The following SSH2 variants were observed in gnomAD, a reference collection of about 807,000 sequenced individuals.
SSH2 encodes slingshot protein phosphatase 2.
A neutral mutation model predicts 135.2 loss-of-function variants in SSH2; 37 were observed. The observed-to-expected ratio is 0.27, with a 90% confidence interval of 0.21 to 0.36. The LOEUF is 0.36. SSH2 is among the 10% of genes least tolerant of loss of function. The probability of loss-of-function intolerance (pLI) is 1.00; values close to 1 mark genes in which losing one functional copy is unlikely to be tolerated. For synonymous variants in SSH2, 628 were observed against 646.2 expected (o/e 0.97, Z 0.43); for missense variants, 1,408 against 1,765.3 (o/e 0.80, Z 3.63).
In SSH2 at chr17:29,690,858, G is replaced by T. The variant is rs570287972; in HGVS notation, c.357+4601C>A. 3.1e-4 allele frequency among the ~76,000 whole-genome samples: 47 copies of T among 151,684 alleles called. 1 individual carries two copies. Among genetic ancestry groups the T allele is most frequent in the Admixed American group, 1.4e-3 (22 of 15,216 alleles). ...TATGAAGAAAGTAGGTTACAAAAAG[G>T]TATTTCTATTTTTATCACATTTTCG... is the stretch of plus-strand genomic sequence containing the variant. On this transcript the variant is annotated intron_variant, in intron 5 of 15. Transcript: ENST00000540801.
intron 3 of SSH2, among the ~76,000 whole-genome samples, chr17:29,725,347 C>CAAAAAAAAAAA (rs11449000): frequency 9.5e-5 from 5 of 52,782 alleles, no homozygotes; most frequent in Non-Finnish European, 1.3e-4. Flanking sequence ...AATCAGTCTC[C>CAAAAAAAAAAA]AAAAAAAAAA....
chr17:29,714,008 G>C (rs1309742603), intron 3 of SSH2, among the ~76,000 whole-genome samples: 1 of 152,182 alleles, frequency 6.6e-6, no homozygotes, highest in African/African-American at 2.4e-5. Context: ...AAAGAGAGGA[G>C]AAACTGCCTC....
intron 8 of SSH2, chr17:29,674,218 C>T (rs2037613154): frequency 2.2e-6 from 1 of 453,434 alleles, no homozygotes; most frequent in South Asian, 1.6e-5. Flanking sequence ...GAAAATGTGT[C>T]AGTCCATTTT....
intron 2 of SSH2, among the ~76,000 whole-genome samples, chr17:29,817,336 GA>G (rs748898513): frequency 6.6e-6 from 1 of 151,986 alleles, no homozygotes; most frequent in Non-Finnish European, 1.5e-5. Context: ...TCTCTTCTTG[GA>G]CTTCTTTGTT....
At chr17:29,888,908 G>A (rs1168504806) in intron 1 of SSH2, among the ~76,000 whole-genome samples, 6 of 114,544 alleles carry the variant, frequency 5.2e-5, no homozygotes, top group African/African-American at 2.1e-4. Flanking sequence ...CTCCAGCCTA[G>A]GTGAAAGAGT....
intron 14 of SSH2, among the ~76,000 whole-genome samples, chr17:29,644,368 G>A (rs1458397784): frequency 6.6e-6 from 1 of 152,234 alleles, no homozygotes; most frequent in African/African-American, 2.4e-5. Context: ...GCCTCTGAAA[G>A]TGCCTTTCTC....
At chr17:29,698,805 T>C (rs902337516) in intron 4 of SSH2, among the ~76,000 whole-genome samples, 12 of 152,162 alleles carry the variant, frequency 7.9e-5, no homozygotes, top group Admixed American at 5.9e-4. Context: ...GCTGAGCTTC[T>C]TTAAAATTAA....
At chr17:29,681,612 T>C (rs1219839718) in intron 6 of SSH2, among the ~76,000 whole-genome samples, 2 of 151,792 alleles carry the variant, frequency 1.3e-5, no homozygotes, top group African/African-American at 4.8e-5. Context: ...ATTTTATAAC[T>C]TAAAATATGT....
chr17:29,744,860 A>AGAGTGTGT (rs1165435546), intron 3 of SSH2, among the ~76,000 whole-genome samples: 40 of 140,540 alleles, frequency 2.8e-4, no homozygotes, highest in African/African-American at 3.6e-4. Context: ...GGATTACTTG[A>AGAGTGTGT]GTGTGTGTGT....
At chr17:29,769,861 A>G (rs2041530537) in intron 3 of SSH2, among the ~76,000 whole-genome samples, 1 of 152,132 alleles carries the variant, frequency 6.6e-6, no homozygotes, top group African/African-American at 2.4e-5. Context: ...GATTATCAAA[A>G]TGAATGAGTT....
At chr17:29,636,880 G>T in intron 14 of SSH2, 78 bp from the exon 15 acceptor site, 1 of 1,013,466 alleles carries the variant, frequency 9.9e-7, no homozygotes. Context: ...AACACTCCCA[G>T]ATAAATCTTA....
At chr17:29,725,565 G>A (rs146468354) in intron 3 of SSH2, among the ~76,000 whole-genome samples, 2,214 of 152,240 alleles carry the variant, frequency 0.015, 67 homozygotes, top group African/African-American at 0.05. Context: ...ATACTATGCA[G>A]CCATAAAAAA....
chr17:29,853,533 C>G (rs2065605385), intron 1 of SSH2, among the ~76,000 whole-genome samples: 1 of 151,788 alleles, frequency 6.6e-6, no homozygotes, highest in South Asian at 2.1e-4. Flanking sequence ...TACCAATTCT[C>G]TTTTCTTTAT....
chr17:29,766,600 G>A (rs913229158), intron 3 of SSH2, among the ~76,000 whole-genome samples: 11 of 152,128 alleles, frequency 7.2e-5, no homozygotes, highest in Non-Finnish European at 1.6e-4. Context: ...CTGTAGTAAT[G>A]TGAGATGTGC....
chr17:29,761,416 G>GCGGTAGAGTCCGGACTGACGGGCGTCGC (rs1224585632), intron 3 of SSH2: 1 of 1,051,084 alleles, frequency 9.5e-7, no homozygotes, highest in East Asian at 1.1e-4. Flanking sequence ...CCAGGGCTCG[G>GCGGTAGAGTCCGGACTGACGGGCGTCGC]CGGTAGAGTC....
In SSH2 at chr17:29,630,793, C is replaced by G. The variant is rs781577118; in HGVS notation, c.*48G>C. The stretch of plus-strand genomic sequence containing the variant: ...CATGTTCCTTACATATTACACCTGC[C>G]CCTTTTACAAACATTTCTTCTAGAA... On this transcript the variant is annotated 3_prime_UTR_variant, in exon 16 of 16. Transcript: ENST00000540801. The G allele has an allele frequency of 1.3e-6, 2 of 1,493,558 alleles. No individual in the cohort carries two copies. Among genetic ancestry groups the G allele is most frequent in the South Asian group, 1.4e-5 (1 of 73,506 alleles). 92.5% of individuals were successfully genotyped at this position (1,493,558 alleles called of 1,614,324 possible). A position where few individuals can be genotyped will look rare whatever the true frequency, so the allele number is the denominator to read the frequency against.
intron 1 of SSH2, 35 bp downstream of exon 1, chr17:29,929,903 A>AG (rs768354117): frequency 6.4e-7 from 1 of 1,558,650 alleles, no homozygotes; most frequent in East Asian, 2.4e-5. Context: ...CCGCAGTGAC[A>AG]GAAGCAAGCG....
intron 1 of SSH2, among the ~76,000 whole-genome samples, chr17:29,919,185 T>C: frequency 6.6e-6 from 1 of 152,150 alleles, no homozygotes; most frequent in Non-Finnish European, 1.5e-5. Context: ...TTCCCAGCAG[T>C]GGTATAAATG....
intron 1 of SSH2, among the ~76,000 whole-genome samples, chr17:29,858,334 T>C (rs1250153905): frequency 1.3e-5 from 2 of 152,146 alleles, no homozygotes; most frequent in African/African-American, 4.8e-5. Context: ...AGTCCTAAAA[T>C]CAAACAGGTG....
Sources: gnomAD v4.1 joint callset for allele counts (sites outside exome capture counted in the v4.1 genomes callset) on GRCh38, gnomAD v4.1.1 for gene constraint, MANE v1.5 for transcripts, NCBI Gene and HGNC (gene_info 2026-07-23, HGNC 2026-07-21) for gene names.